The following CAMKK2 variants were observed in gnomAD, a reference collection of about 807,000 sequenced individuals.
CAMKK2 encodes the protein calcium/calmodulin-dependent protein kinase kinase 2.
In CAMKK2, 30 loss-of-function variants were observed where a neutral mutation model predicts 67.2. That is an observed-to-expected ratio of 0.45 (90% CI 0.33 to 0.61). The LOEUF is 0.61. Among genes scored for constraint, CAMKK2 ranks in the 20% least tolerant of loss-of-function variants. The probability of loss-of-function intolerance (pLI) is 0.02; values close to 1 mark genes in which losing one functional copy is unlikely to be tolerated. For missense variants in CAMKK2, 643 were observed against 802.0 expected, an observed-to-expected ratio of 0.80 and a Z score of 2.39; for synonymous variants, 322 against 326.2, an observed-to-expected ratio of 0.99 and a Z score of 0.14.
At chr12:121,254,027 A>C (rs1249307868) in intron 9 of CAMKK2, among the ~76,000 whole-genome samples, 5 of 152,142 alleles carry the variant, frequency 3.3e-5, no homozygotes, top group Non-Finnish European at 7.4e-5. Flanking sequence ...TTCTGGGGTG[A>C]TGATGATGAT....
intron 1 of CAMKK2, among the ~76,000 whole-genome samples, chr12:121,289,893 TAAA>T (rs34281997): frequency 2.5e-5 from 3 of 117,666 alleles, no homozygotes; most frequent in Admixed American, 8.8e-5. Context: ...ACCCTGTCTT[TAAA>T]AAAAAAAAAA....
intron 1 of CAMKK2, among the ~76,000 whole-genome samples, chr12:121,277,185 A>G (rs537617784): frequency 1.8e-4 from 27 of 152,308 alleles, no homozygotes; most frequent in African/African-American, 6.3e-4. Flanking sequence ...GGAAAACCCA[A>G]CGCCCCAGCC....
intron 1 of CAMKK2, among the ~76,000 whole-genome samples, chr12:121,284,077 C>A (rs1371297949): frequency 6.6e-6 from 1 of 152,244 alleles, no homozygotes; most frequent in Non-Finnish European, 1.5e-5. Context: ...ACGCCCTCCC[C>A]TCGGCCCACA....
At chr12:121,262,705 T>C (rs1893712024) in intron 6 of CAMKK2, among the ~76,000 whole-genome samples, 1 of 151,960 alleles carries the variant, frequency 6.6e-6, no homozygotes, top group South Asian at 2.1e-4. Context: ...ACCAAAGGCG[T>C]GCACCACCAT....
chr12:121,254,239 C>T (rs759912068), intron 9 of CAMKK2, among the ~76,000 whole-genome samples: 5 of 152,068 alleles, frequency 3.3e-5, no homozygotes, highest in Non-Finnish European at 7.4e-5. Flanking sequence ...AGGGGGATCA[C>T]CTGAGGTCAG....
At chr12:121,257,028 A>G (rs1892436083) in intron 7 of CAMKK2, among the ~76,000 whole-genome samples, 1 of 151,658 alleles carries the variant, frequency 6.6e-6, no homozygotes, top group Non-Finnish European at 1.5e-5. Flanking sequence ...AGTTAAAAAA[A>G]AAAAGAGCAC....
At chr12:121,272,303 A>G (rs771327790) in intron 2 of CAMKK2, among the ~76,000 whole-genome samples, 1 of 152,260 alleles carries the variant, frequency 6.6e-6, no homozygotes. Flanking sequence ...TAAATGAATA[A>G]ACAAACTGTG....
intron 1 of CAMKK2, among the ~76,000 whole-genome samples, chr12:121,288,522 C>G (rs533830314): frequency 6.6e-6 from 1 of 152,188 alleles, no homozygotes; most frequent in Admixed American, 6.6e-5. Flanking sequence ...GAAGGCAATA[C>G]CCCAAAGCAC....
Position 121,267,077 on chromosome 12 carries a change from G to A in CAMKK2, c.625+1561C>T, listed in dbSNP as rs553353883. Among the ~76,000 whole-genome samples the A allele has an allele frequency of 2.8e-4, 21 of 76,054 alleles. 1 individual carries two copies. The highest frequency in any genetic ancestry group is 7.0e-4 in the African/African-American group (13 of 18,506). 49.9% of individuals were successfully genotyped at this position (76,054 alleles called of 152,430 possible). On this transcript the variant is annotated intron_variant, in intron 5 of 16. Transcript: ENST00000404169. Reference sequence around the variant, plus strand: ...TTGGTAGATATAATTCAAATACCTCGTGGTATTTAAATTTTTTTAATTTAT... The same window carrying A: ...TTGGTAGATATAATTCAAATACCTCATGGTATTTAAATTTTTTTAATTTAT...
intron 1 of CAMKK2, among the ~76,000 whole-genome samples, chr12:121,295,269 A>G (rs933601397): frequency 1.3e-5 from 2 of 152,152 alleles, no homozygotes; most frequent in Non-Finnish European, 2.9e-5. Flanking sequence ...CTCATCACCA[A>G]TGCCTGCTTC....
At chr12:121,241,644 G>A (rs1294668086) in intron 16 of CAMKK2, among the ~76,000 whole-genome samples, 2 of 152,246 alleles carry the variant, frequency 1.3e-5, no homozygotes, top group Non-Finnish European at 2.9e-5. Flanking sequence ...ATGGGTTACT[G>A]TCTGTCCTTC....
rs1892091368 is a variant in CAMKK2, at chr12:121,255,556, C to T, written c.901G>A (p.Glu301Lys). 6.2e-7 allele frequency: 1 copy of T among 1,610,128 alleles called. No homozygotes were observed. The highest frequency in any genetic ancestry group is 8.5e-7 in the Non-Finnish European group (1 of 1,178,706). Residue 301 changes from glutamate (E) to lysine (K), a missense_variant, in exon 9 of 17, where the codon GAG (glutamate) becomes AAG (lysine). Coordinates refer to ENST00000404169, the MANE Select transcript of CAMKK2 (RefSeq NM_001270485.2). ...TCCCGCAGGCCCTGCTCACAGTACT[C>T]GATGCCTTTGATCAGATCCTGGAAG... is the stretch of plus-strand genomic sequence containing the variant. Reference protein sequence around the residue: ...FYFQDLIKGIEYLHYQKIIHR... With the variant: ...FYFQDLIKGIKYLHYQKIIHR...
upstream of CAMKK2, chr12:121,296,830 G>C (rs1459679476): frequency 6.8e-6 from 1 of 147,504 alleles, no homozygotes; most frequent in Non-Finnish European, 1.5e-5. This position sits in a 1 kb window ranked among gnomAD's most constrained non-coding sequence, Gnocchi z 7.1. Flanking sequence ...GATTGGCCAC[G>C]GCGGCGGGAA....
chr12:121,243,911 G>T (rs199747256), intron 16 of CAMKK2: 98 of 1,414,436 alleles, frequency 6.9e-5, no homozygotes, highest in Non-Finnish European at 8.6e-5. Context: ...AGGGCAGTGG[G>T]GTCCCCACCC....
chr12:121,265,864 CAA>C (rs796770148), intron 5 of CAMKK2, among the ~76,000 whole-genome samples: 3 of 136,002 alleles, frequency 2.2e-5, no homozygotes, highest in Non-Finnish European at 1.6e-5. Flanking sequence ...GACTCCGTCT[CAA>C]AAAAAAAAAA....
chr12:121,266,656 C>T (rs879635042), intron 5 of CAMKK2, among the ~76,000 whole-genome samples: 1 of 152,034 alleles, frequency 6.6e-6, no homozygotes, highest in Admixed American at 6.6e-5. Context: ...CCATGCCTGG[C>T]TACTTTTTTG....
At chr12:121,283,437 C>T (rs1415961874) in intron 1 of CAMKK2, among the ~76,000 whole-genome samples, 2 of 152,158 alleles carry the variant, frequency 1.3e-5, no homozygotes, top group African/African-American at 4.8e-5. Flanking sequence ...AGACCCCATC[C>T]TCATCATAGT....
At position 121,266,456 on chromosome 12, in the gene CAMKK2, G is replaced by A. The variant is rs558352867; in HGVS notation, c.625+2182C>T. Among the ~76,000 whole-genome samples the A allele has an allele frequency of 5.3e-5, 8 of 151,682 alleles. 1 individual carries two copies. The highest frequency in any genetic ancestry group is 2.6e-4 in the Admixed American group (4 of 15,238). ...CGTGAGGATTATGACCTGGTGCAGCGTTTGGATAAGCAGGATAAACCAGGG... is the reference window on the plus strand; with the variant it reads ...CGTGAGGATTATGACCTGGTGCAGCATTTGGATAAGCAGGATAAACCAGGG... On this transcript the variant is annotated intron_variant, in intron 5 of 16. Transcript: ENST00000404169.
intron 7 of CAMKK2, among the ~76,000 whole-genome samples, chr12:121,256,441 T>C (rs1399747568): frequency 6.6e-6 from 1 of 152,202 alleles, no homozygotes; most frequent in African/African-American, 2.4e-5. Flanking sequence ...AAGCGTGCAA[T>C]TGAGTGGCAT....
Sources: allele counts gnomAD v4.1 joint callset (sites outside exome capture counted in the v4.1 genomes callset), GRCh38; gene constraint gnomAD v4.1.1; non-coding constraint Gnocchi (gnomAD v3.1); transcripts MANE v1.5; gene names NCBI Gene and HGNC (gene_info 2026-07-23, HGNC 2026-07-21).